ZNF469: variants seen among roughly 807,000 people sequenced by gnomAD.
The protein encoded by ZNF469 is zinc finger protein 469.
ZNF469 carries 1 observed loss-of-function variant against 1.0 expected under a neutral mutation model. The observed-to-expected ratio is 1.00, with a 90% CI of 0.35 to 4.73. The LOEUF (loss-of-function observed/expected upper bound fraction) is 4.73, where lower values mean the gene tolerates loss of function less well. Among genes scored for constraint, ZNF469 ranks in the 30% most tolerant of loss-of-function variants. The pLI, the probability that ZNF469 is intolerant of heterozygous loss-of-function variation, is 0.16. For missense variants in ZNF469, 6,100 were observed against 5,356.3 expected (o/e 1.14, Z -4.33); for synonymous variants, 2,703 against 2,363.4 (o/e 1.14, Z -4.17).
At chr16:88,273,830 A>T in the ZNF469 span, among the ~76,000 whole-genome samples, 6 of 135,514 alleles carry the variant, frequency 4.4e-5, no homozygotes, top group African/African-American at 1.7e-4. Flanking sequence ...TTTGAGACGG[A>T]GTCTCGCTCT....
the ZNF469 span, among the ~76,000 whole-genome samples, chr16:88,368,567 T>G: frequency 6.6e-6 from 1 of 152,018 alleles, no homozygotes; most frequent in Non-Finnish European, 1.5e-5. Flanking sequence ...TGGGAGAGCA[T>G]AGCCCTGGGA....
chr16:88,227,017 G>A, the ZNF469 span, among the ~76,000 whole-genome samples: 6 of 148,688 alleles, frequency 4.0e-5, 1 homozygote, highest in Non-Finnish European at 3.0e-5. Context: ...CCTCCGCGCC[G>A]GGGCCTGCGC....
At chr16:88,154,346 T>A in the ZNF469 span, among the ~76,000 whole-genome samples, 1 of 152,082 alleles carries the variant, frequency 6.6e-6, no homozygotes, top group African/African-American at 2.4e-5. Context: ...TTAGTAGAGA[T>A]GTAGAGATGG....
chr16:88,427,840 A>G lies in ZNF469; in HGVS notation c.370A>G (p.Ile124Val). The change falls in exon 3 of 3, where the codon ATC becomes GTC. Residue 124 changes from isoleucine to valine, a missense_variant. Coordinates refer to ENST00000565624, the MANE Select transcript of ZNF469 (RefSeq NM_001367624.2). ...CCCCCCACAGCGCTACATTCTGGGC[A>G]TCGCCAGCTCGAGGACCAAGCCCAC... ...GSPPQRYILGIASSRTKPTLD... is the reference protein window; with the variant it reads ...GSPPQRYILGVASSRTKPTLD... 6.5e-7 allele frequency: 1 copy of G among 1,549,124 alleles called. No homozygotes were observed.
At chr16:88,167,825 G>A in the ZNF469 span, among the ~76,000 whole-genome samples, 26 of 152,228 alleles carry the variant, frequency 1.7e-4, no homozygotes, top group African/African-American at 6.0e-4. Context: ...TCTCTGCACC[G>A]CTCCCCAGGA....
chr16:88,378,847 C>G (rs762487492), upstream of ZNF469, among the ~76,000 whole-genome samples: 1 of 152,350 alleles, frequency 6.6e-6, no homozygotes, highest in African/African-American at 2.4e-5. Flanking sequence ...AGTGTTTAAA[C>G]GTCCCACATG....
the ZNF469 span, among the ~76,000 whole-genome samples, chr16:88,123,864 A>T: frequency 3.8e-3 from 572 of 152,140 alleles, 5 homozygotes; most frequent in Middle Eastern, 0.048. Context: ...AGTGCAATGG[A>T]GCAGTGTCGG....
the ZNF469 span, among the ~76,000 whole-genome samples, chr16:88,158,264 G>A: frequency 6.6e-6 from 1 of 152,076 alleles, no homozygotes; most frequent in African/African-American, 2.4e-5. Flanking sequence ...TGGGGGCTGG[G>A]AGGCCAGGGA....
the ZNF469 span, among the ~76,000 whole-genome samples, chr16:88,308,152 A>T: frequency 6.6e-6 from 1 of 152,176 alleles, no homozygotes; most frequent in Non-Finnish European, 1.5e-5. Context: ...TGTAACTCTG[A>T]GGGTTTATTT....
chr16:88,224,686 T>A, the ZNF469 span, among the ~76,000 whole-genome samples: 1 of 152,228 alleles, frequency 6.6e-6, no homozygotes. Context: ...CCGCGAGCTC[T>A]GCCCGTGTGT....
At position 88,429,097 on chromosome 16, in the gene ZNF469, G is replaced by A. The variant is rs281865145; in HGVS notation, c.1627G>A (p.Gly543Ser). The change falls in exon 3 of 3, where the codon GGC (glycine) becomes AGC (serine). Residue 543 changes from glycine (G) to serine (S), a missense_variant. Coordinates refer to ENST00000565624, the MANE Select transcript of ZNF469 (RefSeq NM_001367624.2). ...GCCAGCCGTGAGAAGCAGCCAGGGC[G>A]GCTCCCCAGCACTGTTCACCTACAA... ...KLPAVRSSQG[G>S]SPALFTYNGM... 1.7e-4 allele frequency: 259 copies of A among 1,549,862 alleles called. No homozygotes were observed. Among genetic ancestry groups the A allele is most frequent in the Non-Finnish European group, 2.0e-4 (232 of 1,146,882 alleles).
the ZNF469 span, among the ~76,000 whole-genome samples, chr16:88,211,335 G>A: frequency 1.3e-5 from 2 of 152,308 alleles, no homozygotes; most frequent in African/African-American, 2.4e-5. Flanking sequence ...GGAGGTGATC[G>A]TCTACAAGGC....
At chr16:88,346,959 G>A in the ZNF469 span, among the ~76,000 whole-genome samples, 4 of 152,146 alleles carry the variant, frequency 2.6e-5, no homozygotes, top group Admixed American at 1.3e-4. Flanking sequence ...GAAGGCCCTC[G>A]TTCCCAGGAG....
the ZNF469 span, among the ~76,000 whole-genome samples, chr16:88,377,493 CG>C: frequency 9.9e-5 from 15 of 152,256 alleles, no homozygotes; most frequent in East Asian, 2.9e-3. Context: ...TTTTTGCTCT[CG>C]ACTGGGGCCA....
the ZNF469 span, among the ~76,000 whole-genome samples, chr16:88,146,963 T>C: frequency 6.6e-6 from 1 of 152,002 alleles, no homozygotes; most frequent in African/African-American, 2.4e-5. Flanking sequence ...TCAGAGAAAC[T>C]GTCCCCACGT....
the ZNF469 span, among the ~76,000 whole-genome samples, chr16:88,331,584 CCACCAT>C: frequency 2.0e-5 from 3 of 149,052 alleles, no homozygotes; most frequent in Non-Finnish European, 4.5e-5. Context: ...ACCACCACCA[CCACCAT>C]CACCACTATC....
the ZNF469 span, among the ~76,000 whole-genome samples, chr16:88,158,741 C>A: frequency 1.3e-5 from 2 of 152,200 alleles, no homozygotes; most frequent in African/African-American, 2.4e-5. Context: ...CTGTGGACAG[C>A]AGCTCCTGCC....
chr16:88,166,542 C>G, the ZNF469 span, among the ~76,000 whole-genome samples: 1 of 152,214 alleles, frequency 6.6e-6, no homozygotes, highest in Non-Finnish European at 1.5e-5. The surrounding 1 kb of genome is among the most constrained non-coding windows in gnomAD (Gnocchi z 4.5). Flanking sequence ...TCCCTCCCCA[C>G]TCTTCCCAGC....
chr16:88,352,827 C>G, the ZNF469 span, among the ~76,000 whole-genome samples: 25 of 152,324 alleles, frequency 1.6e-4, no homozygotes, highest in African/African-American at 5.3e-4. Context: ...GCTCTGATGG[C>G]TGACCCCGTC....
Sources: allele counts gnomAD v4.1 joint callset (sites outside exome capture counted in the v4.1 genomes callset), GRCh38; gene constraint gnomAD v4.1.1; non-coding constraint Gnocchi (gnomAD v3.1); transcripts MANE v1.5; gene names NCBI Gene and HGNC (gene_info 2026-07-23, HGNC 2026-07-21).